The following LGR6 variants were observed in gnomAD, a reference collection of about 807,000 sequenced individuals.
The protein encoded by LGR6 is leucine rich repeat containing G protein-coupled receptor 6.
LGR6 carries 45 observed loss-of-function variants against 69.4 expected under a neutral mutation model. That is an observed-to-expected ratio of 0.65 (90% CI 0.51 to 0.83). The LOEUF is 0.83. Among genes scored for constraint, LGR6 ranks in the 40% least tolerant of loss-of-function variants. LGR6 has a pLI of 0.00. For missense variants in LGR6, 1,108 were observed against 1,246.7 expected (o/e 0.89, Z 1.68); for synonymous variants, 538 against 555.0 (o/e 0.97, Z 0.43).
At chr1:202,288,148 C>A (rs1031892135) in intron 6 of LGR6, among the ~76,000 whole-genome samples, 1 of 152,220 alleles carries the variant, frequency 6.6e-6, no homozygotes, top group Non-Finnish European at 1.5e-5. Flanking sequence ...TGCATCAAGC[C>A]TTTTCCTTTT....
intron 6 of LGR6, among the ~76,000 whole-genome samples, chr1:202,294,482 G>A (rs1039289326): frequency 6.6e-6 from 1 of 152,188 alleles, no homozygotes; most frequent in African/African-American, 2.4e-5. Context: ...TCATGAGGTT[G>A]TAGTCATCTG....
intron 4 of LGR6, among the ~76,000 whole-genome samples, chr1:202,253,620 C>CTTTTTTT (rs71141468): frequency 5.7e-5 from 3 of 52,484 alleles, no homozygotes; most frequent in Non-Finnish European, 7.2e-5. Flanking sequence ...TCCTACTATT[C>CTTTTTTT]TTTTTTTTTT....
intron 3 of LGR6, 74 bp from the exon 4 acceptor site, chr1:202,235,848 A>G (rs1208980557): frequency 1.5e-6 from 2 of 1,322,128 alleles, no homozygotes; most frequent in Non-Finnish European, 2.2e-6. Flanking sequence ...TGGGGGTTCA[A>G]GGGAGGAGTC....
At chr1:202,221,680 C>A (rs888379013) in intron 1 of LGR6, among the ~76,000 whole-genome samples, 4 of 152,146 alleles carry the variant, frequency 2.6e-5, no homozygotes, top group African/African-American at 4.8e-5. Flanking sequence ...TCACACATGA[C>A]ACACACATGC....
At position 202,260,949 on chromosome 1, in the gene LGR6, AT is replaced by A. The variant is rs1248262662; in HGVS notation, c.429-15349del. On this transcript the variant is annotated intron_variant, in intron 4 of 17. Transcript: ENST00000367278. ...TTTTTTCTTTATGAATGCTTACAAG[AT>A]TTTTTTTCTTTATCCTTACAACTGA... 2.6e-5 allele frequency among the ~76,000 whole-genome samples: 4 copies of A among 151,738 alleles called. No homozygotes were observed. The East Asian group carries it at 7.7e-4, about 29-fold the overall frequency.
At chr1:202,198,858 G>A (rs4024096) in intron 1 of LGR6, among the ~76,000 whole-genome samples, 1 of 151,972 alleles carries the variant, frequency 6.6e-6, no homozygotes, top group Non-Finnish European at 1.5e-5. Flanking sequence ...GAGAGGATGT[G>A]TTGTGAGTTG....
chr1:202,235,321 G>A (rs982476098), intron 3 of LGR6, among the ~76,000 whole-genome samples: 23 of 152,310 alleles, frequency 1.5e-4, no homozygotes, highest in African/African-American at 4.1e-4. Context: ...TGAGCAGATC[G>A]TTTTCATTGG....
At position 202,203,305 on chromosome 1, in the gene LGR6, T is replaced by C. The variant is rs7530870; in HGVS notation, c.212+9104T>C. Among the ~76,000 whole-genome samples the C allele has an allele frequency of 9.7e-3, 1,474 of 152,268 alleles. 24 individuals carry two copies. Among genetic ancestry groups the C allele is most frequent in the African/African-American group, 0.034 (1,393 of 41,552 alleles). ...AAGGAAGCCTTCCCAGTGAATCCAG[T>C]GTGAGGATTCTTTTCTCCAGGTCTC... On this transcript the variant is annotated intron_variant, in intron 1 of 17. Transcript: ENST00000367278.
intron 6 of LGR6, among the ~76,000 whole-genome samples, chr1:202,288,258 C>T (rs542997475): frequency 5.9e-5 from 9 of 152,308 alleles, no homozygotes; most frequent in Admixed American, 5.9e-4. Context: ...CCCTGGTCAC[C>T]ACTTTGCAAC....
rs183834900 is a variant in LGR6, at chr1:202,257,114, T to C, written c.429-19192T>C. On this transcript the variant is annotated intron_variant, in intron 4 of 17. Transcript: ENST00000367278. ...TTTATATATTAAAGACATAAGTCCC[T>C]TATCAGATATATGGTTTGAAAATGT... Among the ~76,000 whole-genome samples, 4 of 152,360 alleles carry C rather than the reference T, an allele frequency of 2.6e-5. No homozygotes were observed. In the East Asian group the frequency reaches 5.8e-4, roughly 22 times the overall value.
chr1:202,203,706 T>C lies in LGR6; in HGVS notation c.212+9505T>C, dbSNP rs1658915526. On this transcript the variant is annotated intron_variant, in intron 1 of 17. Transcript: ENST00000367278. ...AGAAATACACCCAGGCAGGGCCAGA[T>C]ACTGCGTAGCAGGCGGGGCACAGAG... 8 of 1,100,198 alleles carry C rather than the reference T, an allele frequency of 7.3e-6. No homozygotes were observed. The South Asian group carries it at 9.1e-5, about 13-fold the overall frequency. 68.2% of individuals were successfully genotyped at this position (1,100,198 alleles called of 1,614,324 possible). A position where few individuals can be genotyped will look rare whatever the true frequency, so the allele number is the denominator to read the frequency against.
rs770198053 is a variant in LGR6, at chr1:202,300,804, A to C, written c.786-45A>C. The C allele has an allele frequency of 4.1e-6, 6 of 1,452,168 alleles. 1 individual carries two copies. In the Admixed American group the frequency reaches 5.3e-5, roughly 13 times the overall value. 90.0% of individuals were successfully genotyped at this position (1,452,168 alleles called of 1,614,324 possible). The stretch of plus-strand genomic sequence containing the variant: ...TGGAATTCCATGCCTCTCCCTCTCT[A>C]TACCTTTCTCCAAATCCTCACTGGT... On this transcript the variant is annotated intron_variant, in intron 7 of 17. Coordinates refer to ENST00000367278, the MANE Select transcript of LGR6 (RefSeq NM_001017403.2).
intron 4 of LGR6, among the ~76,000 whole-genome samples, chr1:202,261,445 G>A (rs961635850): frequency 6.6e-5 from 10 of 152,058 alleles, no homozygotes; most frequent in Admixed American, 6.5e-4. Flanking sequence ...AGTATTCCAT[G>A]GCGTGTATGT....
At chr1:202,194,252 G>A in intron 1 of LGR6, 51 bp downstream of exon 1, 1 of 1,349,466 alleles carries the variant, frequency 7.4e-7, no homozygotes, top group Non-Finnish European at 1.0e-6. Context: ...GCTGGCTAGC[G>A]CCCAGTCCCG....
At chr1:202,298,526 A>AT (rs779071482) in intron 7 of LGR6, 17,949 of 146,604 alleles carry the variant, frequency 0.12, 1,300 homozygotes, top group African/African-American at 0.19. Context: ...CTTAGTATCT[A>AT]TTTTTTTTTT....
At chr1:202,245,237 G>T (rs980507662) in intron 4 of LGR6, among the ~76,000 whole-genome samples, 1 of 141,466 alleles carries the variant, frequency 7.1e-6, no homozygotes, top group African/African-American at 2.6e-5. Flanking sequence ...TACTGTATTT[G>T]GATCTTCCCA....
At chr1:202,237,577 TGCTTTCGGA>T (rs1661686541) in intron 4 of LGR6, among the ~76,000 whole-genome samples, 2 of 152,200 alleles carry the variant, frequency 1.3e-5, no homozygotes, top group African/African-American at 4.8e-5. Flanking sequence ...CTAAAGGTCT[TGCTTTCGGA>T]CTAGGCATGG....
chr1:202,280,129 T>G (rs150816351), intron 5 of LGR6, among the ~76,000 whole-genome samples: 135 of 152,252 alleles, frequency 8.9e-4, no homozygotes, highest in African/African-American at 3.2e-3. Context: ...TTTTTCCGGC[T>G]TATGCTTGGA....
At chr1:202,231,745 C>G (rs1298643582) in intron 3 of LGR6, among the ~76,000 whole-genome samples, 2 of 152,208 alleles carry the variant, frequency 1.3e-5, no homozygotes, top group African/African-American at 4.8e-5. Context: ...GTTACGACAT[C>G]AGCACATTAC....
Sources: allele counts gnomAD v4.1 joint callset (sites outside exome capture counted in the v4.1 genomes callset), GRCh38; gene constraint gnomAD v4.1.1; transcripts MANE v1.5; gene names NCBI Gene and HGNC (gene_info 2026-07-23, HGNC 2026-07-21).